Variants in ARSG observed in about 807,000 individuals in gnomAD.
The protein encoded by ARSG is arylsulfatase G, also known as ASG.
A neutral mutation model predicts 50.5 loss-of-function variants in ARSG; 37 were observed. The observed-to-expected ratio is 0.73, with a 90% CI of 0.56 to 0.96. The LOEUF is 0.96. Among genes scored for constraint, ARSG ranks in the 50% least tolerant of loss-of-function variants. The pLI is 0.00. For missense variants in ARSG, 629 were observed against 675.3 expected, an observed-to-expected ratio of 0.93 and a Z score of 0.76; for synonymous variants, 225 against 254.6, an observed-to-expected ratio of 0.88 and a Z score of 1.11.
rs782478038 is a variant in ARSG at position 68,271,345 on chromosome 17, G to T, written c.-552+11919G>T. 10 of 1,614,260 alleles carry T rather than the reference G, an allele frequency of 6.2e-6. 1 individual carries two copies. In the South Asian group the frequency reaches 8.8e-5, roughly 14 times the overall value. On this transcript the variant is annotated intron_variant, in intron 1 of 11. Coordinates refer to the ARSG transcript ENST00000448504. The surrounding 1 kb of genome is among the most constrained non-coding windows in gnomAD (Gnocchi z 5.3). ...TTTCTTTTCGCTTGGCCTGGGGCTG[G>T]TCTTCACCAGGACCTGCTGCATGTC...
Position 68,420,261 on chromosome 17 carries a change from A to T in ARSG, c.1376A>T (p.Glu459Val), listed in dbSNP as rs2082687549. The change falls in exon 12 of 12, where the codon GAA (glutamate) becomes GTA (valine). Residue 459 changes from glutamate (E) to valine (V), a missense_variant. Coordinates refer to ENST00000621439, the MANE Select transcript of ARSG (RefSeq NM_001267727.2). The part of the protein sequence containing the change: ...QHKFPLIFNL[E>V]DDTAEAVPLE... ...AAGTTTCCTCTGATTTTCAACCTGGAAGACGATACCGCAGAAGCTGTGCCC... is the reference window on the plus strand; with the variant it reads ...AAGTTTCCTCTGATTTTCAACCTGGTAGACGATACCGCAGAAGCTGTGCCC... 1.9e-6 allele frequency: 3 copies of T among 1,614,138 alleles called. No homozygotes were observed. The East Asian group carries it at 6.7e-5, about 36-fold the overall frequency.
chr17:68,413,472 C>T (rs2082144575), intron 11 of ARSG, among the ~76,000 whole-genome samples: 1 of 152,218 alleles, frequency 6.6e-6, no homozygotes, highest in African/African-American at 2.4e-5. Context: ...TCTGCCCGTT[C>T]TCAGATCTCC....
chr17:68,273,970 T>C, intron 1 of ARSG: 1 of 1,614,150 alleles, frequency 6.2e-7, no homozygotes, highest in Non-Finnish European at 8.5e-7. Context: ...AAACCTCTTG[T>C]GAGAAGGAGG....
intron 1 of ARSG, among the ~76,000 whole-genome samples, chr17:68,277,504 A>G (rs576481891): frequency 1.3e-5 from 2 of 152,204 alleles, no homozygotes; most frequent in Non-Finnish European, 2.9e-5. Flanking sequence ...ATCTCAGCTC[A>G]CTGCAACCTC....
Position 68,329,084 on chromosome 17 carries a change from G to A in ARSG, c.219-14520G>A, listed in dbSNP as rs565164227. 6.6e-5 allele frequency among the ~76,000 whole-genome samples: 10 copies of A among 152,290 alleles called. No individual in the cohort carries two copies. In the South Asian group the frequency reaches 1.5e-3, roughly 22 times the overall value. Reference sequence around the variant, plus strand: ...GGACAAACTCGAACAGTGCTGCTGCGGGTGTAGCCGGGTCAGGGAGACCTC... The same window carrying A: ...GGACAAACTCGAACAGTGCTGCTGCAGGTGTAGCCGGGTCAGGGAGACCTC... On this transcript the variant is annotated intron_variant, in intron 2 of 11. Coordinates refer to ENST00000621439, the MANE Select transcript of ARSG (RefSeq NM_001267727.2).
Position 68,269,204 on chromosome 17 carries a change from C to T in ARSG, c.-552+9778C>T, listed in dbSNP as rs782668257. 1.8e-5 allele frequency: 28 copies of T among 1,565,522 alleles called. No homozygotes were observed. The Middle Eastern group carries it at 5.1e-4, about 29-fold the overall frequency. On this transcript the variant is annotated intron_variant, in intron 1 of 11. Coordinates refer to the ARSG transcript ENST00000448504. ...AAGTCTTCCCACGATGGCTCACTAC[C>T]TTTGTTTCACCTGAGTGATGATGCT...
chr17:68,308,266 C>G (rs539443841), intron 2 of ARSG, among the ~76,000 whole-genome samples: 3 of 152,336 alleles, frequency 2.0e-5, no homozygotes, highest in African/African-American at 7.2e-5. Flanking sequence ...AAGAATGAAG[C>G]TGCAAACCCT....
chr17:68,326,143 G>A (rs2077493485), intron 2 of ARSG, among the ~76,000 whole-genome samples: 1 of 152,204 alleles, frequency 6.6e-6, no homozygotes, highest in East Asian at 1.9e-4. Context: ...GCAGCAGCAA[G>A]AAGACAAATC....
At chr17:68,342,769 CAACACAA>C (rs1189607446) in intron 2 of ARSG, among the ~76,000 whole-genome samples, 1 of 152,090 alleles carries the variant, frequency 6.6e-6, no homozygotes, top group Admixed American at 6.5e-5. Flanking sequence ...GTGAAACCAC[CAACACAA>C]AACACAAAAA....
the ARSG span, among the ~76,000 whole-genome samples, chr17:68,441,322 T>C: frequency 2.2e-4 from 33 of 152,300 alleles, no homozygotes; most frequent in African/African-American, 7.5e-4. Context: ...AGATACCAAG[T>C]GTGAGGCAAC....
chr17:68,262,344 G>A (rs1169175405), intron 1 of ARSG, among the ~76,000 whole-genome samples: 2 of 151,888 alleles, frequency 1.3e-5, no homozygotes, highest in African/African-American at 4.8e-5. Context: ...GGTGGCGGGC[G>A]CCTGTAGTCC....
chr17:68,433,653 T>C, the ARSG span: 1 of 1,210,724 alleles, frequency 8.3e-7, no homozygotes, highest in Non-Finnish European at 1.2e-6. Context: ...ATCAGCTTTA[T>C]AAGAAAATCA....
chr17:68,385,653 T>C (rs931491686), intron 9 of ARSG, among the ~76,000 whole-genome samples: 13 of 151,542 alleles, frequency 8.6e-5, no homozygotes, highest in African/African-American at 2.7e-4. Context: ...GAAGAAGGGA[T>C]TGGTTGGTTT....
chr17:68,343,324 T>G (rs1200549896), intron 2 of ARSG, among the ~76,000 whole-genome samples: 1 of 152,014 alleles, frequency 6.6e-6, no homozygotes, highest in Non-Finnish European at 1.5e-5. Flanking sequence ...ACCAAGCTAA[T>G]TTTTATATTT....
chr17:68,351,660 GT>G lies in ARSG; in HGVS notation c.541del (p.Cys181ValfsTer34). ...PGYNHPPCPA[C>X]PQGDGPSRNL... ...GCTACAACCACCCTCCTTGTCCAGC[GT>G]GTCCACAGGGTGATGGACCATCAAG... On this transcript the variant is annotated frameshift_variant, in exon 5 of 12. Transcript: ENST00000621439. LOFTEE classifies it high-confidence loss of function. The G allele has an allele frequency of 1.9e-6, 3 of 1,613,000 alleles. No individual in the cohort carries two copies. Among genetic ancestry groups the G allele is most frequent in the Non-Finnish European group, 2.5e-6 (3 of 1,179,100 alleles).
intron 1 of ARSG, among the ~76,000 whole-genome samples, chr17:68,299,608 A>T (rs2076339719): frequency 6.6e-6 from 1 of 152,158 alleles, no homozygotes; most frequent in African/African-American, 2.4e-5. Context: ...AAATTTGAGA[A>T]ATGTTACAGG....
intron 10 of ARSG, among the ~76,000 whole-genome samples, chr17:68,396,493 A>C (rs752939349): frequency 1.3e-5 from 2 of 152,170 alleles, no homozygotes; most frequent in Non-Finnish European, 2.9e-5. Flanking sequence ...TTTCACCAAA[A>C]GGAAGAGGAA....
At chr17:68,419,736 G>T (rs889792289) in intron 11 of ARSG, among the ~76,000 whole-genome samples, 6 of 151,750 alleles carry the variant, frequency 4.0e-5, no homozygotes, top group Admixed American at 6.6e-5. Flanking sequence ...GGGACAGGAG[G>T]ATTGCTTGAG....
At chr17:68,403,852 TC>T (rs1262735415) in intron 11 of ARSG, among the ~76,000 whole-genome samples, 7 of 151,960 alleles carry the variant, frequency 4.6e-5, no homozygotes, top group Non-Finnish European at 8.8e-5. Flanking sequence ...ATGCTTTCCC[TC>T]CCCCCTCACC....
Sources: allele counts gnomAD v4.1 joint callset (sites outside exome capture counted in the v4.1 genomes callset), GRCh38; gene constraint gnomAD v4.1.1; non-coding constraint Gnocchi (gnomAD v3.1); transcripts MANE v1.5; gene names NCBI Gene and HGNC (gene_info 2026-07-23, HGNC 2026-07-21).